Variants in TXNL1 observed in about 807,000 individuals in gnomAD.
TXNL1 encodes the protein thioredoxin-like protein 1.
TXNL1 carries 14 observed loss-of-function variants against 35.5 expected under a neutral mutation model. The ratio of observed to expected loss-of-function variants is 0.39; its 90% CI spans 0.26 to 0.62. The LOEUF (loss-of-function observed/expected upper bound fraction) is 0.62. Ranked by LOEUF, TXNL1 falls within the 20% of genes least tolerant of loss-of-function variation. The pLI is 0.47. For synonymous variants in TXNL1, 110 were observed against 115.5 expected (o/e 0.95, Z 0.31); for missense variants, 263 against 349.7 (o/e 0.75, Z 1.98).
intron 6 of TXNL1, among the ~76,000 whole-genome samples, chr18:56,612,943 C>T (rs1015106783): frequency 5.9e-5 from 9 of 151,812 alleles, no homozygotes; most frequent in Non-Finnish European, 1.2e-4. Flanking sequence ...GCCTCAATCT[C>T]CCAGGCTCAA....
intron 1 of TXNL1, among the ~76,000 whole-genome samples, chr18:56,627,813 C>G (rs1278432159): frequency 2.0e-5 from 3 of 150,410 alleles, no homozygotes; most frequent in Non-Finnish European, 1.5e-5. Flanking sequence ...ACTTTCAAAA[C>G]CTCAAACTAA....
In TXNL1 at chr18:56,600,201, G is replaced by A. The variant is rs193301261; in HGVS notation, c.*2826C>T. 4 of 152,356 alleles carry A rather than the reference G, an allele frequency of 2.6e-5. No individual in the cohort carries two copies. Among genetic ancestry groups the A allele is most frequent in the African/African-American group, 9.6e-5 (4 of 41,578 alleles). 9.4% of individuals were successfully genotyped at this position (152,356 alleles called of 1,614,324 possible). A position where few individuals can be genotyped will look rare whatever the true frequency, so the allele number is the denominator to read the frequency against. ...AACTGCTGAGGCCAAATAAACAACT[G>A]CATTCCTATAATCGCTGCCAAAAAC... On this transcript the variant is annotated 3_prime_UTR_variant, in exon 8 of 8. Coordinates refer to ENST00000217515, the MANE Select transcript of TXNL1 (RefSeq NM_004786.3).
At position 56,599,892 on chromosome 18, in the gene TXNL1, A is replaced by G. The variant is rs2023790124; in HGVS notation, c.*3135T>C. The G allele has an allele frequency of 1.3e-5, 2 of 152,222 alleles. No homozygotes were observed. Among genetic ancestry groups the G allele is most frequent in the Non-Finnish European group, 1.5e-5 (1 of 68,048 alleles). The allele number at this position is 152,222 out of a possible 1,614,324, so 9.4% of individuals were successfully genotyped here. On this transcript the variant is annotated 3_prime_UTR_variant, in exon 8 of 8. Coordinates refer to ENST00000217515, the MANE Select transcript of TXNL1 (RefSeq NM_004786.3). Reference sequence around the variant, plus strand: ...TACTCTAAGTTACTTATCTTAAAAAAAAAATAGTCTAAGATTACAAATTAT... The same window carrying G: ...TACTCTAAGTTACTTATCTTAAAAAGAAAATAGTCTAAGATTACAAATTAT...
rs574460516 is a variant in TXNL1 at position 56,637,216 on chromosome 18, T to A, written c.98+1127A>T. Among the ~76,000 whole-genome samples the A allele has an allele frequency of 2.0e-5, 3 of 152,346 alleles. No individual in the cohort carries two copies. In the East Asian group the frequency reaches 5.8e-4, roughly 29 times the overall value. ...GATATAATCCTAATGCCACCATTTA[T>A]ATACTCAACATTTAGTGAACCATCT... On this transcript the variant is annotated intron_variant, in intron 1 of 7. Coordinates refer to ENST00000217515, the MANE Select transcript of TXNL1 (RefSeq NM_004786.3).
At chr18:56,626,228 C>T in intron 2 of TXNL1, 133 bp downstream of exon 2, 1 of 1,439,392 alleles carries the variant, frequency 6.9e-7, no homozygotes, top group Non-Finnish European at 9.1e-7. Flanking sequence ...GTAATAATGA[C>T]ATCAACATAA....
intron 6 of TXNL1, 77 bp downstream of exon 6, chr18:56,614,347 T>TAAA: frequency 3.1e-6 from 4 of 1,310,906 alleles, no homozygotes; most frequent in Non-Finnish European, 4.2e-6. Flanking sequence ...AAGAATCACT[T>TAAA]AGACTTACCT....
chr18:56,616,441 G>A (rs1025875668), intron 4 of TXNL1, 127 bp from the exon 5 acceptor site: 28 of 750,906 alleles, frequency 3.7e-5, no homozygotes, highest in African/African-American at 2.9e-4. Flanking sequence ...CAAAACCAAC[G>A]TAATATGAAA....
At chr18:56,609,046 T>C (rs2023948975) in intron 7 of TXNL1, 1 of 152,158 alleles carries the variant, frequency 6.6e-6, no homozygotes, top group East Asian at 1.9e-4. Context: ...TTTAAAAATA[T>C]TCATTAACAT....
intron 3 of TXNL1, among the ~76,000 whole-genome samples, chr18:56,621,692 G>A (rs978790113): frequency 5.3e-5 from 8 of 151,936 alleles, no homozygotes; most frequent in East Asian, 1.9e-4. Flanking sequence ...TCCAGAATAC[G>A]CAACAGTCTA....
At chr18:56,616,063 CAG>C (rs1233481409) in intron 5 of TXNL1, among the ~76,000 whole-genome samples, 180 bp downstream of exon 5, 2 of 149,120 alleles carry the variant, frequency 1.3e-5, no homozygotes, top group Non-Finnish European at 3.0e-5. Flanking sequence ...ACCCAGGAGG[CAG>C]AGATTACAGT....
chr18:56,604,166 A>C (rs1039018815), intron 7 of TXNL1, among the ~76,000 whole-genome samples: 2 of 152,174 alleles, frequency 1.3e-5, no homozygotes, highest in Admixed American at 1.3e-4. Flanking sequence ...GAAAGCTCAC[A>C]AGGTAGCAAG....
intron 6 of TXNL1, 37 bp from the exon 7 acceptor site, chr18:56,611,134 T>C: frequency 2.3e-6 from 3 of 1,311,454 alleles, no homozygotes; most frequent in Non-Finnish European, 3.2e-6. Flanking sequence ...ATTACAATCC[T>C]TCTTCACAAA....
Position 56,610,993 on chromosome 18 carries a change from T to A in TXNL1, c.840A>T (p.Arg280=). The change falls in exon 7 of 8, where the codon CGA becomes CGT. Residue 280 remains arginine, a splice_region_variant and synonymous_variant. Transcript: ENST00000217515. ...CGAAGTATCATTTAAGCAAACTTAC[T>A]CGTTTGAAGTCATTCATATTTGTTG... ...VQATNMNDFK[R]VVGKKGESH The A allele has an allele frequency of 6.3e-7, 1 of 1,576,380 alleles. No individual in the cohort carries two copies. Among genetic ancestry groups the A allele is most frequent in the East Asian group, 2.3e-5 (1 of 43,412 alleles).
At chr18:56,608,094 C>G (rs538306007) in intron 7 of TXNL1, among the ~76,000 whole-genome samples, 3 of 152,058 alleles carry the variant, frequency 2.0e-5, no homozygotes, top group Non-Finnish European at 2.9e-5. Context: ...TGTATCCCCC[C>G]GCCCCGACAG....
At chr18:56,634,973 C>G (rs1326273993) in intron 1 of TXNL1, among the ~76,000 whole-genome samples, 2 of 152,128 alleles carry the variant, frequency 1.3e-5, no homozygotes, top group African/African-American at 2.4e-5. Flanking sequence ...CAAAAATGGG[C>G]ACAGAAGGCC....
At chr18:56,635,081 G>A (rs1438768020) in intron 1 of TXNL1, among the ~76,000 whole-genome samples, 1 of 151,962 alleles carries the variant, frequency 6.6e-6, no homozygotes, top group Non-Finnish European at 1.5e-5. Flanking sequence ...GCAACAAAGT[G>A]AGACTTAGTC....
intron 1 of TXNL1, among the ~76,000 whole-genome samples, chr18:56,626,797 C>CT (rs386387792): frequency 0.099 from 5,398 of 54,636 alleles, 753 homozygotes; most frequent in Middle Eastern, 0.15. Flanking sequence ...CCAAGCCGGT[C>CT]TTTTTTTTTT....
chr18:56,627,654 T>A (rs1177890731), intron 1 of TXNL1, among the ~76,000 whole-genome samples: 1 of 152,128 alleles, frequency 6.6e-6, no homozygotes, highest in Non-Finnish European at 1.5e-5. Flanking sequence ...GATGGTCTTT[T>A]CAATAAATAC....
chr18:56,630,175 C>T (rs2024348594), intron 1 of TXNL1, among the ~76,000 whole-genome samples: 1 of 143,144 alleles, frequency 7.0e-6, no homozygotes, highest in Non-Finnish European at 1.5e-5. Flanking sequence ...CCAGCCTGGG[C>T]AACAGAGCAA....
Sources: allele counts gnomAD v4.1 joint callset (sites outside exome capture counted in the v4.1 genomes callset), GRCh38; gene constraint gnomAD v4.1.1; transcripts MANE v1.5; gene names NCBI Gene and HGNC (gene_info 2026-07-23, HGNC 2026-07-21).